CORO2B: variants seen among roughly 807,000 people sequenced by gnomAD.
CORO2B encodes the protein coronin-2B.
Under a neutral mutation model 58.8 loss-of-function variants are expected in CORO2B, and 26 were observed. That is an observed-to-expected ratio of 0.44 (90% CI 0.32 to 0.61). The LOEUF (loss-of-function observed/expected upper bound fraction) is 0.61. Ranked by LOEUF, CORO2B falls within the 20% of genes least tolerant of loss-of-function variation. The probability of loss-of-function intolerance (pLI) is 0.04; values close to 1 mark genes in which losing one functional copy is unlikely to be tolerated. For missense variants in CORO2B, 460 were observed against 645.1 expected (o/e 0.71, Z 3.11); for synonymous variants, 242 against 253.8 (o/e 0.95, Z 0.44).
At chr15:68,665,040 T>C (rs1181818398) in intron 2 of CORO2B, among the ~76,000 whole-genome samples, 1 of 152,186 alleles carries the variant, frequency 6.6e-6, no homozygotes, top group Non-Finnish European at 1.5e-5. Context: ...TCTTGGGCCA[T>C]AGTTAGAAAG....
the CORO2B span, among the ~76,000 whole-genome samples, chr15:68,569,752 C>T: frequency 6.6e-6 from 1 of 152,192 alleles, no homozygotes; most frequent in Non-Finnish European, 1.5e-5. Flanking sequence ...GCATTCCTAC[C>T]AACAATGAAT....
At chr15:68,530,652 A>C in the CORO2B span, among the ~76,000 whole-genome samples, 126 of 152,296 alleles carry the variant, frequency 8.3e-4, no homozygotes, top group Middle Eastern at 3.4e-3. Context: ...GTATGAGTTT[A>C]CATATTGAGG....
chr15:68,721,910 A>G lies in CORO2B; in HGVS notation c.1311+2358A>G, dbSNP rs889709436. 5.9e-5 allele frequency among the ~76,000 whole-genome samples: 9 copies of G among 152,028 alleles called. No homozygotes were observed. In the East Asian group the frequency reaches 9.7e-4, roughly 16 times the overall value. ...CTAGCGGCGTGTACCACCATACCCA[A>G]CTAATTTGTTTTTAAACATTTTTGT... On this transcript the variant is annotated intron_variant, in intron 11 of 11. Coordinates refer to ENST00000261861, the MANE Select transcript of CORO2B (RefSeq NM_006091.5).
the CORO2B span, among the ~76,000 whole-genome samples, chr15:68,556,520 C>A: frequency 1.3e-5 from 2 of 152,212 alleles, no homozygotes; most frequent in Non-Finnish European, 2.9e-5. Flanking sequence ...ACACCAGGAC[C>A]TACAGCACTC....
chr15:68,630,352 G>A (rs943887327), intron 1 of CORO2B, among the ~76,000 whole-genome samples: 1 of 152,132 alleles, frequency 6.6e-6, no homozygotes, highest in African/African-American at 2.4e-5. Context: ...TGCATGGCAG[G>A]CACGGGCAGC....
At chr15:68,656,449 A>G (rs534716621) in intron 2 of CORO2B, among the ~76,000 whole-genome samples, 11 of 151,650 alleles carry the variant, frequency 7.3e-5, no homozygotes, top group African/African-American at 2.7e-4. Flanking sequence ...AGTGCTTAAA[A>G]CTCTGCAATT....
intron 1 of CORO2B, among the ~76,000 whole-genome samples, chr15:68,594,321 G>T (rs1899775177): frequency 6.6e-6 from 1 of 152,206 alleles, no homozygotes; most frequent in African/African-American, 2.4e-5. Flanking sequence ...TAGCAGACAT[G>T]GAACAGACCA....
chr15:68,712,340 A>C (rs948879423), intron 5 of CORO2B, among the ~76,000 whole-genome samples: 4 of 152,304 alleles, frequency 2.6e-5, no homozygotes, highest in Admixed American at 6.5e-5. Flanking sequence ...GAATAGTCCA[A>C]TATTACAAGA....
At chr15:68,708,605 G>A (rs1320950741) in intron 3 of CORO2B, among the ~76,000 whole-genome samples, 3 of 151,442 alleles carry the variant, frequency 2.0e-5, no homozygotes, top group African/African-American at 7.3e-5. Flanking sequence ...CTCGTGATCC[G>A]CCCACCTCGG....
At chr15:68,648,862 T>C (rs886594684) in intron 2 of CORO2B, among the ~76,000 whole-genome samples, 6 of 152,228 alleles carry the variant, frequency 3.9e-5, no homozygotes, top group Admixed American at 3.9e-4. Context: ...CAATTTCTAC[T>C]AATATTTAAA....
intron 2 of CORO2B, among the ~76,000 whole-genome samples, chr15:68,692,342 T>C (rs1222295158): frequency 6.6e-6 from 1 of 152,128 alleles, no homozygotes. Flanking sequence ...CACACGGCTT[T>C]GGAAGGCCAA....
At chr15:68,725,722 T>A in intron 11 of CORO2B, 121 bp from the exon 12 acceptor site, 1 of 1,256,486 alleles carries the variant, frequency 8.0e-7, no homozygotes, top group Non-Finnish European at 1.1e-6. Context: ...TATCAAGCAG[T>A]GGGAGGCCTG....
At chr15:68,637,115 A>G (rs1901055113) in intron 1 of CORO2B, among the ~76,000 whole-genome samples, 1 of 151,998 alleles carries the variant, frequency 6.6e-6, no homozygotes, top group Non-Finnish European at 1.5e-5. Flanking sequence ...TTCACGACAC[A>G]CTCCTCACAT....
At chr15:68,637,957 T>G (rs776269941) in intron 1 of CORO2B, among the ~76,000 whole-genome samples, 48 of 152,240 alleles carry the variant, frequency 3.2e-4, no homozygotes, top group Non-Finnish European at 5.9e-4. Flanking sequence ...GAGGACAGGA[T>G]ACAATTTGCT....
At chr15:68,705,834 A>G (rs531337343) in intron 3 of CORO2B, among the ~76,000 whole-genome samples, 11 of 152,094 alleles carry the variant, frequency 7.2e-5, no homozygotes, top group African/African-American at 2.7e-4. Context: ...TTGAACCCAC[A>G]CACCTCTAAC....
chr15:68,575,399 G>A (rs1225947127), upstream of CORO2B, among the ~76,000 whole-genome samples: 4 of 147,776 alleles, frequency 2.7e-5, no homozygotes, highest in Admixed American at 6.8e-5. Context: ...GTGCAGTGGC[G>A]CGATCTCAGC....
At chr15:68,582,231 T>C (rs597284) in intron 1 of CORO2B, among the ~76,000 whole-genome samples, 116,704 of 152,240 alleles carry the variant, frequency 0.77, 44,882 homozygotes, top group Middle Eastern at 0.9. Flanking sequence ...CTTCTAGCCC[T>C]GTGGCATTTC....
At chr15:68,693,666 C>A (rs538835874) in intron 2 of CORO2B, among the ~76,000 whole-genome samples, 1 of 152,298 alleles carries the variant, frequency 6.6e-6, no homozygotes, top group East Asian at 1.9e-4. Context: ...TTGTTCCATC[C>A]GTTTGTGGAC....
the CORO2B span, among the ~76,000 whole-genome samples, chr15:68,533,888 A>G: frequency 1.3e-5 from 2 of 152,140 alleles, no homozygotes; most frequent in African/African-American, 4.8e-5. Flanking sequence ...CACAGCCCTC[A>G]CAAGCTTGTG....
Sources: allele counts gnomAD v4.1 joint callset (sites outside exome capture counted in the v4.1 genomes callset), GRCh38; gene constraint gnomAD v4.1.1; transcripts MANE v1.5; gene names NCBI Gene and HGNC (gene_info 2026-07-23, HGNC 2026-07-21).